Variants in MYO9A observed in about 807,000 individuals in gnomAD.
The protein encoded by MYO9A is unconventional myosin-IXa.
Under a neutral mutation model 293.3 loss-of-function variants are expected in MYO9A, and 103 were observed. That is an observed-to-expected ratio of 0.35 (90% confidence interval 0.30 to 0.41). MYO9A has a LOEUF of 0.41. Among genes scored for constraint, MYO9A ranks in the 10% least tolerant of loss-of-function variants. The pLI, the probability that MYO9A is intolerant of heterozygous loss-of-function variation, is 1.00. For missense variants in MYO9A, 2,685 were observed against 3,033.0 expected (o/e 0.89, Z 2.69); for synonymous variants, 1,001 against 1,035.7 (o/e 0.97, Z 0.64).
chr15:72,072,093 T>G (rs2079210340), intron 1 of MYO9A, among the ~76,000 whole-genome samples: 1 of 148,166 alleles, frequency 6.7e-6, no homozygotes, highest in Admixed American at 6.7e-5. Context: ...AAAAAAAGTA[T>G]ATATAATATA....
chr15:71,884,538 G>C (rs971739004), intron 27 of MYO9A, among the ~76,000 whole-genome samples: 1 of 152,024 alleles, frequency 6.6e-6, no homozygotes, highest in East Asian at 1.9e-4. Context: ...TATATATTAG[G>C]TAACTTTCCC....
chr15:72,023,431 G>A (rs373861396), intron 4 of MYO9A, among the ~76,000 whole-genome samples: 16 of 152,160 alleles, frequency 1.1e-4, no homozygotes, highest in East Asian at 7.7e-4. Context: ...GGCAGCTCAC[G>A]CTTATAACCC....
chr15:72,041,226 C>T, intron 2 of MYO9A: 1 of 1,387,972 alleles, frequency 7.2e-7, no homozygotes, highest in Non-Finnish European at 1.0e-6. Flanking sequence ...ATATTCTTCA[C>T]TCATTGCACA....
rs964932250 is a variant in MYO9A at position 71,975,235 on chromosome 15, T to C, written c.1844+2936A>G. Among the ~76,000 whole-genome samples the C allele has an allele frequency of 2.0e-5, 3 of 152,168 alleles. No homozygotes were observed. The South Asian group carries it at 6.2e-4, about 32-fold the overall frequency. On this transcript the variant is annotated intron_variant, in intron 12 of 41. Transcript: ENST00000356056. ...GTAATGTAGCAGTATGTTTGAGTTG[T>C]ATATTCTTTTGATGATGTAAAGGAT...
Position 71,951,871 on chromosome 15 carries a change from T to G in MYO9A, c.2208A>C (p.Ala736=). ...KTGHDDTAPC[A]ILKSMDSFSF... ...TAAAACTATCCATACTTTTCAAAAT[T>G]GCACATGGCGCTGTATCATCATGTC... is the stretch of plus-strand genomic sequence containing the variant. Residue 736 remains alanine, a synonymous_variant, in exon 15 of 42, where the codon GCA becomes GCC. Transcript: ENST00000356056. 1.2e-6 allele frequency: 2 copies of G among 1,610,728 alleles called. No individual in the cohort carries two copies. The highest frequency in any genetic ancestry group is 3.3e-4 in the Middle Eastern group (2 of 6,048).
At chr15:71,994,428 G>T in intron 10 of MYO9A, 41 bp downstream of exon 10, 1 of 1,257,556 alleles carries the variant, frequency 8.0e-7, no homozygotes, top group Non-Finnish European at 1.1e-6. Context: ...TATTAAAATA[G>T]CTTTCAGGGA....
At position 71,828,021 on chromosome 15, in the gene MYO9A, T is replaced by C. The variant is rs1019853138; in HGVS notation, c.7046A>G (p.Glu2349Gly). ...QIENLQKEKE[E>G]LTFEMLVLEP... ...CAGTACAAGCATCTCAAATGTTAGCTCCTCCCTGTAAGACACAATCAAGAA... is the reference window on the plus strand; with the variant it reads ...CAGTACAAGCATCTCAAATGTTAGCCCCTCCCTGTAAGACACAATCAAGAA... The change falls in exon 41 of 42, where the codon GAG (glutamate) becomes GGG (glycine). Residue 2349 changes from glutamate (E) to glycine (G), a missense_variant. Around this residue, in one of 10 missense-constraint regions of MYO9A, gnomAD observed 350 missense variants for 328.9 expected, o/e 1.06. Transcript: ENST00000356056. 6.2e-6 allele frequency: 10 copies of C among 1,612,290 alleles called. No individual in the cohort carries two copies. Among genetic ancestry groups the C allele is most frequent in the African/African-American group, 1.3e-5 (1 of 74,682 alleles).
At chr15:71,994,620 T>C (rs761371023) in intron 9 of MYO9A, 35 bp from the exon 10 acceptor site, 5 of 1,276,366 alleles carry the variant, frequency 3.9e-6, no homozygotes, top group Middle Eastern at 1.9e-4. Context: ...GCATGTAGAA[T>C]TGACAATGAT....
At chr15:72,076,654 A>G (rs562193741) in intron 1 of MYO9A, among the ~76,000 whole-genome samples, 1 of 152,344 alleles carries the variant, frequency 6.6e-6, no homozygotes, top group Non-Finnish European at 1.5e-5. Flanking sequence ...CAGTATTACT[A>G]AGATGTGAAT....
intron 8 of MYO9A, among the ~76,000 whole-genome samples, chr15:72,004,413 C>T (rs1021394892): frequency 6.6e-6 from 1 of 151,984 alleles, no homozygotes; most frequent in African/African-American, 2.4e-5. Context: ...CAAAATTAGC[C>T]GGGCATGGTG....
Position 71,880,376 on chromosome 15 carries a change from C to G in MYO9A, c.5581G>C (p.Val1861Leu). 2 of 1,614,198 alleles carry G rather than the reference C, an allele frequency of 1.2e-6. No homozygotes were observed. The highest frequency in any genetic ancestry group is 1.7e-6 in the Non-Finnish European group (2 of 1,180,004). ...TCATCCATGCTTTTTAAATCACTGA[C>G]ACTTGCTATGATCTGGACAGAGTCA... ...QNDSVQIIAS[V>L]SDLKSMDEFL... The change falls in exon 29 of 42, where the codon GTC becomes CTC. Residue 1861 changes from valine (V) to leucine (L), a missense_variant. This residue lies in a region of MYO9A where 1,434 missense variants were observed against 1,497.7 expected (regional missense o/e 0.96). Coordinates refer to ENST00000356056, the MANE Select transcript of MYO9A (RefSeq NM_006901.4).
chr15:71,925,460 T>C (rs1685352317), intron 18 of MYO9A, among the ~76,000 whole-genome samples: 1 of 151,826 alleles, frequency 6.6e-6, no homozygotes, highest in Admixed American at 6.6e-5. Flanking sequence ...TATCTATATA[T>C]AACCTTTCTT....
intron 1 of MYO9A, among the ~76,000 whole-genome samples, chr15:72,096,068 G>A (rs1480697524): frequency 1.3e-5 from 2 of 151,688 alleles, no homozygotes; most frequent in Admixed American, 1.3e-4. Flanking sequence ...GGCTAAGGCA[G>A]GAGAATCATT....
At chr15:72,052,788 G>A (rs935538594) in intron 1 of MYO9A, among the ~76,000 whole-genome samples, 9 of 152,282 alleles carry the variant, frequency 5.9e-5, no homozygotes, top group East Asian at 1.9e-4. Context: ...CAGCATGCTC[G>A]GTTGTGTAGA....
chr15:71,884,131 C>G (rs1567228529), intron 27 of MYO9A, among the ~76,000 whole-genome samples: 1 of 152,042 alleles, frequency 6.6e-6, no homozygotes, highest in South Asian at 2.1e-4. Flanking sequence ...AGTATATACA[C>G]AATTTAACAA....
intron 1 of MYO9A, among the ~76,000 whole-genome samples, chr15:72,097,896 G>A (rs866486803): frequency 1.3e-5 from 2 of 151,928 alleles, no homozygotes; most frequent in African/African-American, 4.8e-5. Flanking sequence ...GTGACAGAGC[G>A]AGACTCCATC....
At chr15:71,976,079 C>T (rs192707058) in intron 12 of MYO9A, among the ~76,000 whole-genome samples, 33 of 152,164 alleles carry the variant, frequency 2.2e-4, no homozygotes, top group Non-Finnish European at 3.7e-4. Flanking sequence ...GGATTACAGG[C>T]GGGGGTCTGA....
chr15:71,902,911 T>G, intron 22 of MYO9A, 30 bp downstream of exon 22: 1 of 1,441,116 alleles, frequency 6.9e-7, no homozygotes, highest in Non-Finnish European at 9.3e-7. Flanking sequence ...TGCACTCAAT[T>G]TTGACCAGAG....
chr15:71,909,201 A>G (rs2057762242), intron 19 of MYO9A, among the ~76,000 whole-genome samples: 1 of 152,268 alleles, frequency 6.6e-6, no homozygotes, highest in Admixed American at 6.5e-5. Context: ...TTATGAATAA[A>G]GCTGCTATAA....
Sources: allele counts gnomAD v4.1 joint callset (sites outside exome capture counted in the v4.1 genomes callset), GRCh38; gene constraint gnomAD v4.1.1; regional missense constraint gnomAD v4.1.1; transcripts MANE v1.5; gene names NCBI Gene and HGNC (gene_info 2026-07-23, HGNC 2026-07-21).